Variants in TRPM1 observed in about 807,000 individuals in gnomAD.
The protein encoded by TRPM1 is TRPM1-203 APA Isoform, Intron 10.
A neutral mutation model predicts 149.4 loss-of-function variants in TRPM1; 113 were observed. The ratio of observed to expected loss-of-function variants is 0.76; its 90% confidence interval spans 0.65 to 0.88. The LOEUF is 0.88. Ranked by LOEUF, TRPM1 falls within the 40% of genes least tolerant of loss-of-function variation. The pLI is 0.00. For synonymous variants in TRPM1, 741 were observed against 759.5 expected, an observed-to-expected ratio of 0.98 and a Z score of 0.40; for missense variants, 1,976 against 2,038.7, an observed-to-expected ratio of 0.97 and a Z score of 0.59.
chr15:31,027,242 A>G (rs1595988704), intron 25 of TRPM1, 125 bp from the exon 26 acceptor site: 1 of 831,442 alleles, frequency 1.2e-6, no homozygotes, highest in East Asian at 2.7e-5. Flanking sequence ...GCCCTTTAGT[A>G]CTGATTCCTT....
rs943270682 is a variant in TRPM1 at position 31,073,779 on chromosome 15, G to A, written c.83+3126C>T. Among the ~76,000 whole-genome samples the A allele has an allele frequency of 1.3e-4, 19 of 151,960 alleles. 2 individuals are homozygous for A. Among genetic ancestry groups the A allele is most frequent in the Admixed American group, 2.6e-4 (4 of 15,250 alleles). ...TAGCGAGAGAGGACATCCTTATCTT[G>A]TTCCTAATCTTAGGAGGAAAGCAAT... is the stretch of plus-strand genomic sequence containing the variant. On this transcript the variant is annotated intron_variant, in intron 3 of 27. Transcript: ENST00000256552.
chr15:31,088,734 A>G (rs1040321316), intron 1 of TRPM1, among the ~76,000 whole-genome samples: 2 of 150,014 alleles, frequency 1.3e-5, no homozygotes, highest in East Asian at 2.0e-4. Context: ...AAGCGGCGGT[A>G]TTCGTCTTCC....
At chr15:31,102,497 G>A (rs1319601769), upstream of TRPM1, among the ~76,000 whole-genome samples, 2 of 152,268 alleles carry the variant, frequency 1.3e-5, no homozygotes, top group African/African-American at 2.4e-5. Flanking sequence ...CAGATTGGAC[G>A]TAAGGGCAAT....
In TRPM1 at chr15:31,037,797, C is replaced by T. The variant is rs200684841; in HGVS notation, c.2485G>A (p.Glu829Lys). The change falls in exon 20 of 28, where the codon GAG becomes AAG. Residue 829 changes from glutamate (E) to lysine (K), a missense_variant. Glu to Lys is a moderately conservative substitution (Grantham distance 56). Coordinates refer to ENST00000256552, the MANE Select transcript of TRPM1 (RefSeq NM_001252024.2). The stretch of plus-strand genomic sequence containing the variant: ...GGAATACTTCTCTGTTTTTTGTGCT[C>T]GTTCTCCTCATCCCCCTTTCTTGAG... The part of the protein sequence containing the change: ...AGSRKGDEEN[E>K]HKKQRSIPIG... 344 of 1,614,040 alleles carry T rather than the reference C, an allele frequency of 2.1e-4. No individual in the cohort carries two copies. The highest frequency in any genetic ancestry group is 6.5e-4 in the Admixed American group (39 of 60,000).
At chr15:31,003,178 A>C in intron 27 of TRPM1, 108 bp from the exon 28 acceptor site, 2 of 986,640 alleles carry the variant, frequency 2.0e-6, no homozygotes, top group Non-Finnish European at 1.5e-6. Flanking sequence ...ATACATATGG[A>C]ACTGTTTGAG....
intron 1 of TRPM1, among the ~76,000 whole-genome samples, chr15:31,083,536 G>T (rs558942641): frequency 1.5e-4 from 23 of 152,290 alleles, no homozygotes; most frequent in African/African-American, 5.1e-4. Flanking sequence ...ACCTGGGGTG[G>T]CACCTGCATG....
rs2034492101 is a variant in TRPM1 at position 31,070,097 on chromosome 15, C to T, written c.213G>A (p.Gln71=). The T allele has an allele frequency of 6.2e-7, 1 of 1,614,170 alleles. No individual in the cohort carries two copies. The highest frequency in any genetic ancestry group is 1.3e-5 in the African/African-American group (1 of 75,038). Reference sequence around the variant, plus strand: ...CTCCATAGGAATCTGTTGGGTAGCTCTGGGTGTGCTTGGCAACAGACCATT... The same window carrying T: ...CTCCATAGGAATCTGTTGGGTAGCTTTGGGTGTGCTTGGCAACAGACCATT... ...PEKWSVAKHT[Q]SYPTDSYGVL... The change falls in exon 4 of 28, where the codon CAG becomes CAA. Residue 71 remains glutamine, a synonymous_variant. Coordinates refer to ENST00000256552, the MANE Select transcript of TRPM1 (RefSeq NM_001252024.2).
chr15:31,050,553 G>T lies in TRPM1; in HGVS notation c.1293C>A (p.Asp431Glu). The T allele has an allele frequency of 1.2e-6, 2 of 1,613,962 alleles. No homozygotes were observed. The highest frequency in any genetic ancestry group is 1.7e-6 in the Non-Finnish European group (2 of 1,180,014). ...TCTTCTCCTTCTCCGTGGCTTTGCT[G>T]TCCGTCGGGGGTGCCAGGCTTCCCA... ...PPLGSLAPPT[D>E]SKATEKEKKP... Residue 431 changes from aspartate (D) to glutamate (E), a missense_variant, in exon 12 of 28, where the codon GAC becomes GAA. Around this residue, in one of 3 missense-constraint regions of TRPM1, gnomAD observed 1,332 missense variants for 1,347.1 expected, o/e 0.99. Transcript: ENST00000256552.
intron 1 of TRPM1, among the ~76,000 whole-genome samples, chr15:31,088,913 T>G (rs1045198559): frequency 6.6e-6 from 1 of 152,040 alleles, no homozygotes; most frequent in African/African-American, 2.4e-5. Flanking sequence ...CTACCAGAAG[T>G]CTGGTGGCAG....
chr15:31,041,410 A>C (rs995241827), intron 17 of TRPM1, among the ~76,000 whole-genome samples: 3 of 152,150 alleles, frequency 2.0e-5, no homozygotes, highest in African/African-American at 7.2e-5. Context: ...TCGGCCTCCC[A>C]AAGTGCTGGG....
chr15:31,152,093 C>T (rs545302053), intron 1 of TRPM1, among the ~76,000 whole-genome samples: 4 of 152,294 alleles, frequency 2.6e-5, no homozygotes, highest in African/African-American at 7.2e-5. Flanking sequence ...GGCCAGCTGG[C>T]CTGCTCTCAA....
rs182219395 is a variant in TRPM1, at chr15:31,019,685, C to T, written c.3629+6454G>A. On this transcript the variant is annotated intron_variant, in intron 27 of 27. Coordinates refer to ENST00000256552, the MANE Select transcript of TRPM1 (RefSeq NM_001252024.2). ...CCAAAGTGCTGGGATTACAGGCTTT[C>T]GCCACCATGCCTGGCTAATTTTTGT... Among the ~76,000 whole-genome samples the T allele has an allele frequency of 2.9e-3, 422 of 143,666 alleles. 1 individual carries two copies. Among genetic ancestry groups the T allele is most frequent in the African/African-American group, 0.01 (397 of 38,968 alleles). The allele number at this position is 143,666 out of a possible 152,430, so 94.3% of individuals were successfully genotyped here. A position where few individuals can be genotyped will look rare whatever the true frequency, so the allele number is the denominator to read the frequency against.
At chr15:31,105,458 T>TGC (rs2035590923), upstream of TRPM1, among the ~76,000 whole-genome samples, 1 of 86,588 alleles carries the variant, frequency 1.2e-5, no homozygotes, top group Non-Finnish European at 2.4e-5. Flanking sequence ...TGTGTGTGTG[T>TGC]GTGTGTGTGT....
intron 1 of TRPM1, among the ~76,000 whole-genome samples, chr15:31,153,853 A>G (rs1035307694): frequency 6.6e-6 from 1 of 152,332 alleles, no homozygotes. Flanking sequence ...TGTCTCAGAT[A>G]CTTTTTGGTT....
intron 1 of TRPM1, among the ~76,000 whole-genome samples, chr15:31,089,308 TTA>T (rs1491416493): frequency 6.9e-6 from 1 of 144,960 alleles, no homozygotes; most frequent in Non-Finnish European, 1.5e-5. Context: ...TTATATATAG[TTA>T]TGTTTTTTTG....
chr15:31,089,229 G>C (rs914344685), intron 1 of TRPM1, among the ~76,000 whole-genome samples: 1 of 152,174 alleles, frequency 6.6e-6, no homozygotes, highest in East Asian at 1.9e-4. Context: ...TGACCATGTG[G>C]CCAGCGTGTC....
intron 1 of TRPM1, among the ~76,000 whole-genome samples, chr15:31,136,580 A>C (rs1273427840): frequency 3.3e-5 from 5 of 152,114 alleles, no homozygotes; most frequent in African/African-American, 1.2e-4. Flanking sequence ...TAATTCACCA[A>C]ATGGGCCACC....
chr15:31,082,138 A>G (rs1271146535), intron 1 of TRPM1, among the ~76,000 whole-genome samples: 1 of 152,198 alleles, frequency 6.6e-6, no homozygotes, highest in Non-Finnish European at 1.5e-5. Flanking sequence ...TGAAAGGAGA[A>G]AGCAGGGCTT....
chr15:31,025,525 A>T (rs1480259560), intron 27 of TRPM1, among the ~76,000 whole-genome samples: 2 of 152,074 alleles, frequency 1.3e-5, no homozygotes, highest in African/African-American at 4.8e-5. Context: ...ATTAAGCATC[A>T]CCGCGGAGAT....
Sources: gnomAD v4.1 joint callset for allele counts (sites outside exome capture counted in the v4.1 genomes callset) on GRCh38, gnomAD v4.1.1 for gene constraint, gnomAD v4.1.1 regional missense constraint, MANE v1.5 for transcripts, NCBI Gene and HGNC (gene_info 2026-07-23, HGNC 2026-07-21) for gene names.